The following PARD3B variants were observed in gnomAD, a reference collection of about 807,000 sequenced individuals.
PARD3B encodes the protein par-3 family cell polarity regulator beta.
A neutral mutation model predicts 130.2 loss-of-function variants in PARD3B; 103 were observed. The observed-to-expected ratio is 0.79, with a 90% CI of 0.67 to 0.93. The LOEUF (loss-of-function observed/expected upper bound fraction) is 0.93, where lower values mean the gene tolerates loss of function less well. Among genes scored for constraint, PARD3B ranks in the 40% least tolerant of loss-of-function variants. The pLI is 0.00. For missense variants in PARD3B, 1,609 were observed against 1,499.2 expected, an observed-to-expected ratio of 1.07 and a Z score of -1.21; for synonymous variants, 583 against 553.2, an observed-to-expected ratio of 1.05 and a Z score of -0.76.
rs144182080 is a variant in PARD3B, at chr2:205,315,278, T to C, written c.2630+13577T>C. ...TCATCTTACCCACTCTGTGCCTCAG[T>C]TTCCTCTCTTGTGAAATTGAAATAA... On this transcript the variant is annotated intron_variant, in intron 18 of 22. Transcript: ENST00000406610. Among the ~76,000 whole-genome samples the C allele has an allele frequency of 3.9e-5, 6 of 152,312 alleles. No individual in the cohort carries two copies. In the East Asian group the frequency reaches 1.2e-3, roughly 29 times the overall value.
chr2:205,204,185 G>A (rs1211616938), intron 15 of PARD3B, among the ~76,000 whole-genome samples: 1 of 152,158 alleles, frequency 6.6e-6, no homozygotes, highest in African/African-American at 2.4e-5. Flanking sequence ...GTTTTGATTT[G>A]CATTTGTCTA....
At chr2:205,346,159 G>A (rs1048118785) in intron 18 of PARD3B, among the ~76,000 whole-genome samples, 7 of 135,704 alleles carry the variant, frequency 5.2e-5, no homozygotes, top group Admixed American at 8.4e-5. Flanking sequence ...ACGACACAGT[G>A]AGACTCCGTC....
At chr2:204,973,061 C>T (rs1200067296) in intron 3 of PARD3B, among the ~76,000 whole-genome samples, 2 of 152,146 alleles carry the variant, frequency 1.3e-5, no homozygotes. Flanking sequence ...GCACCTCTGG[C>T]CTCTTCCCCA....
chr2:205,388,048 T>G (rs2045725154), intron 18 of PARD3B, among the ~76,000 whole-genome samples: 1 of 152,222 alleles, frequency 6.6e-6, no homozygotes, highest in Non-Finnish European at 1.5e-5. Flanking sequence ...AAACACTCTC[T>G]GGTAAATTTA....
At chr2:205,483,688 C>G (rs2049328388) in intron 20 of PARD3B, among the ~76,000 whole-genome samples, 1 of 151,840 alleles carries the variant, frequency 6.6e-6, no homozygotes, top group African/African-American at 2.4e-5. Context: ...CCCTTTTTTT[C>G]AAGTTATAAA....
intron 1 of PARD3B, among the ~76,000 whole-genome samples, chr2:204,670,995 A>G (rs1019024792): frequency 9.9e-5 from 15 of 152,050 alleles, no homozygotes; most frequent in African/African-American, 3.4e-4. Context: ...TCCTGATCAC[A>G]TCAGGATTGG....
chr2:204,797,174 CAAA>C (rs1162381095), intron 2 of PARD3B, among the ~76,000 whole-genome samples: 1 of 53,014 alleles, frequency 1.9e-5, no homozygotes, highest in Non-Finnish European at 4.1e-5. Context: ...GACTCTGTCT[CAAA>C]AAAAAAAAAA....
At position 205,105,456 on chromosome 2, in the gene PARD3B, A is replaced by G. The variant is rs895263997; in HGVS notation, c.593+942A>G. On this transcript the variant is annotated intron_variant, in intron 5 of 22. Transcript: ENST00000406610. The surrounding 1 kb of genome is among the most constrained non-coding windows in gnomAD (Gnocchi z 4.0). Reference sequence around the variant, plus strand: ...AAGCTACTGAAGTTTATAATTATTCATGCAGTTGACGTATTCCTTTCATTT... The same window carrying G: ...AAGCTACTGAAGTTTATAATTATTCGTGCAGTTGACGTATTCCTTTCATTT... Among the ~76,000 whole-genome samples the G allele has an allele frequency of 2.0e-5, 3 of 152,220 alleles. No individual in the cohort carries two copies. Among genetic ancestry groups the G allele is most frequent in the Admixed American group, 1.3e-4 (2 of 15,280 alleles).
intron 3 of PARD3B, among the ~76,000 whole-genome samples, chr2:204,971,055 G>T (rs1383540485): frequency 6.6e-6 from 1 of 152,142 alleles, no homozygotes; most frequent in African/African-American, 2.4e-5. Flanking sequence ...GTGGTGTTCA[G>T]CAAATACTGT....
At chr2:205,131,750 A>G (rs1185553340) in intron 10 of PARD3B, among the ~76,000 whole-genome samples, 1 of 152,340 alleles carries the variant, frequency 6.6e-6, no homozygotes, top group Admixed American at 6.5e-5. Flanking sequence ...AGAAAGTACT[A>G]AAGTACAATA....
chr2:204,852,480 T>G (rs543692233), intron 2 of PARD3B, among the ~76,000 whole-genome samples: 1 of 152,296 alleles, frequency 6.6e-6, no homozygotes, highest in South Asian at 2.1e-4. Context: ...TGTCCTATTT[T>G]TTCCCAATGC....
rs558186731 is a variant in PARD3B, at chr2:204,548,674, A to G, written c.120+2555A>G. ...ATATCACATCAACCTAAAAATAGCA[A>G]TTTTGCTTCTGGAATAGTGATGGGA... On this transcript the variant is annotated intron_variant, in intron 1 of 22. Transcript: ENST00000406610. 2.0e-5 allele frequency among the ~76,000 whole-genome samples: 3 copies of G among 152,282 alleles called. No individual in the cohort carries two copies. The East Asian group carries it at 5.8e-4, about 29-fold the overall frequency.
intron 20 of PARD3B, among the ~76,000 whole-genome samples, chr2:205,471,256 ATATATC>A (rs2106257377): frequency 6.6e-6 from 1 of 151,654 alleles, no homozygotes; most frequent in African/African-American, 2.4e-5. Context: ...TTTCATATTG[ATATATC>A]TATATGTCTT....
At chr2:204,889,395 A>G (rs1295616550) in intron 2 of PARD3B, among the ~76,000 whole-genome samples, 1 of 152,224 alleles carries the variant, frequency 6.6e-6, no homozygotes, top group Admixed American at 6.5e-5. Flanking sequence ...GATATTTGCC[A>G]TCTTCCTCAA....
Position 205,590,294 on chromosome 2 carries a change from G to A in PARD3B, c.3261-25162G>A, listed in dbSNP as rs562149133. ...CTTGGCTTCTTTCTCCCCATCTCTC[G>A]ACTGTTTTCTTCATTGTTGGCTTTG... On this transcript the variant is annotated intron_variant, in intron 22 of 22. Transcript: ENST00000406610. The surrounding 1 kb of genome is among the most constrained non-coding windows in gnomAD (Gnocchi z 4.1). Among the ~76,000 whole-genome samples the A allele has an allele frequency of 1.1e-4, 17 of 152,174 alleles. No individual in the cohort carries two copies. In the East Asian group the frequency reaches 1.5e-3, roughly 14 times the overall value.
intron 21 of PARD3B, among the ~76,000 whole-genome samples, chr2:205,541,245 AGCT>A (rs2052113432): frequency 6.6e-6 from 1 of 151,808 alleles, no homozygotes; most frequent in Non-Finnish European, 1.5e-5. Context: ...TCTCTTTTGC[AGCT>A]TTTCTCTGTT....
intron 4 of PARD3B, among the ~76,000 whole-genome samples, chr2:205,092,236 G>A (rs1702153251): frequency 1.3e-5 from 2 of 152,060 alleles, no homozygotes; most frequent in Admixed American, 1.3e-4. Context: ...GAGACTCTCA[G>A]GTGTGGACAA....
At chr2:204,762,242 C>T (rs889490503) in intron 2 of PARD3B, among the ~76,000 whole-genome samples, 3 of 151,462 alleles carry the variant, frequency 2.0e-5, no homozygotes, top group Non-Finnish European at 4.4e-5. Context: ...CTGCCTCAGC[C>T]TCCTGAGTAG....
At chr2:204,577,985 G>A (rs1224448676) in intron 1 of PARD3B, among the ~76,000 whole-genome samples, 1 of 152,180 alleles carries the variant, frequency 6.6e-6, no homozygotes, top group Non-Finnish European at 1.5e-5. Flanking sequence ...GACAATTTTG[G>A]TTATCACAGC....
Sources: gnomAD v4.1 joint callset for allele counts (sites outside exome capture counted in the v4.1 genomes callset) on GRCh38, gnomAD v4.1.1 for gene constraint, Gnocchi (gnomAD v3.1) non-coding constraint, MANE v1.5 for transcripts, NCBI Gene and HGNC (gene_info 2026-07-23, HGNC 2026-07-21) for gene names.